The following NSD1 variants were observed in gnomAD, a reference collection of about 807,000 sequenced individuals.
NSD1 encodes the protein histone-lysine N-methyltransferase, H3 lysine-36 specific.
In NSD1, 26 loss-of-function variants were observed where a neutral mutation model predicts 242.7. The observed-to-expected ratio is 0.11, with a 90% confidence interval of 0.08 to 0.15. The LOEUF is 0.15. NSD1 is among the 10% of genes least tolerant of loss of function. The pLI is 1.00. For synonymous variants in NSD1, 1,106 were observed against 1,178.1 expected, an observed-to-expected ratio of 0.94 and a Z score of 1.25; for missense variants, 2,495 against 3,272.8, an observed-to-expected ratio of 0.76 and a Z score of 5.80.
intron 2 of NSD1, among the ~76,000 whole-genome samples, chr5:177,157,436 G>C (rs1024338133): frequency 2.6e-5 from 4 of 151,734 alleles, no homozygotes; most frequent in Admixed American, 1.3e-4. Context: ...AGTGGCTCAT[G>C]CCTGTAATCC....
intron 5 of NSD1, among the ~76,000 whole-genome samples, chr5:177,218,119 C>G (rs1763932039): frequency 6.6e-6 from 1 of 152,102 alleles, no homozygotes; most frequent in African/African-American, 2.4e-5. Flanking sequence ...TACTATGTTG[C>G]CTAGGTGGGT....
chr5:177,185,837 A>T lies in NSD1; in HGVS notation c.928-6047A>T, dbSNP rs1170756831. Among the ~76,000 whole-genome samples the T allele has an allele frequency of 4.5e-3, 407 of 90,860 alleles. 2 individuals carry two copies. Among genetic ancestry groups the T allele is most frequent in the Admixed American group, 7.1e-3 (39 of 5,518 alleles). 59.6% of individuals were successfully genotyped at this position (90,860 alleles called of 152,430 possible). On this transcript the variant is annotated intron_variant, in intron 2 of 22. Coordinates refer to ENST00000439151, the MANE Select transcript of NSD1 (RefSeq NM_022455.5). ...TATATATATAATATATAAGTTTTAT[A>T]TATTTAAATATATATTATATATTAT... is the stretch of plus-strand genomic sequence containing the variant.
At chr5:177,184,710 GGT>G (rs1051512134) in intron 2 of NSD1, among the ~76,000 whole-genome samples, 1 of 151,726 alleles carries the variant, frequency 6.6e-6, no homozygotes, top group South Asian at 2.1e-4. Context: ...GGTGTGTGTG[GGT>G]GTGTGTGTGC....
chr5:177,260,367 GACA>G (rs1239951433), intron 14 of NSD1, among the ~76,000 whole-genome samples, 199 bp downstream of exon 14: 1 of 72,832 alleles, frequency 1.4e-5, no homozygotes, highest in African/African-American at 5.1e-5. Flanking sequence ...TTTTTTTTGA[GACA>G]ACGTTTCACT....
chr5:177,238,545 T>A lies in NSD1; in HGVS notation c.4192+38T>A, dbSNP rs766499429. On this transcript the variant is annotated intron_variant, in intron 7 of 22. Transcript: ENST00000439151. This position sits in a 1 kb window ranked among gnomAD's most constrained non-coding sequence, Gnocchi z 4.6. ...TGGGGTCTCAGTATTTGAGCAGATA[T>A]GATTAGAGGAAGCAGGAGATTTTAG... 1 of 1,604,574 alleles carries A rather than the reference T, an allele frequency of 6.2e-7. No individual in the cohort carries two copies. The highest frequency in any genetic ancestry group is 8.5e-7 in the Non-Finnish European group (1 of 1,177,764).
chr5:177,200,714 A>G (rs752473561), intron 3 of NSD1, among the ~76,000 whole-genome samples: 7 of 152,118 alleles, frequency 4.6e-5, no homozygotes, highest in Non-Finnish European at 8.8e-5. Flanking sequence ...CATCAATGCT[A>G]TAGTATGTTT....
intron 14 of NSD1, chr5:177,264,818 CT>C: frequency 1.3e-6 from 1 of 753,346 alleles, no homozygotes; most frequent in Non-Finnish European, 2.4e-6. Context: ...TTCTGTAGGC[CT>C]TTTAGAAAAC....
In NSD1 at chr5:177,295,541, T is replaced by TAA. The variant is rs199928842; in HGVS notation, c.*90_*91dup. On this transcript the variant is annotated 3_prime_UTR_variant, in exon 23 of 23. Coordinates refer to ENST00000439151, the MANE Select transcript of NSD1 (RefSeq NM_022455.5). The surrounding 1 kb of genome is among the most constrained non-coding windows in gnomAD (Gnocchi z 4.3). ...GGAAATCTTTTCTTTCTTTCCCCCT[T>TAA]AAAAAAAAACACATCTGCCCCGAAC... 1.6e-5 allele frequency: 22 copies of TAA among 1,350,658 alleles called. No homozygotes were observed. The highest frequency in any genetic ancestry group is 2.1e-5 in the Non-Finnish European group (20 of 974,482). 83.7% of individuals were successfully genotyped at this position (1,350,658 alleles called of 1,614,324 possible).
chr5:177,232,763 T>C (rs1715428453), intron 5 of NSD1, among the ~76,000 whole-genome samples: 1 of 152,238 alleles, frequency 6.6e-6, no homozygotes, highest in Non-Finnish European at 1.5e-5. Flanking sequence ...TTTGTTGAAC[T>C]TCTCAGAAAG....
At chr5:177,275,686 G>C (rs1758326371) in intron 17 of NSD1, among the ~76,000 whole-genome samples, 1 of 152,012 alleles carries the variant, frequency 6.6e-6, no homozygotes, top group Admixed American at 6.6e-5. Flanking sequence ...GCCTGCCTTA[G>C]CCTCCCAAAG....
chr5:177,216,421 A>T (rs1004375017), intron 5 of NSD1, among the ~76,000 whole-genome samples: 2 of 151,796 alleles, frequency 1.3e-5, no homozygotes, highest in African/African-American at 4.8e-5. Context: ...TTCCAATATC[A>T]TGAAGTTTTT....
intron 14 of NSD1, chr5:177,265,445 TC>T: frequency 3.3e-6 from 2 of 605,322 alleles, no homozygotes; most frequent in Non-Finnish European, 2.9e-6. Context: ...GCCCTCCCCA[TC>T]CCCCCAGCCC....
chr5:177,180,681 T>A (rs1398340212), intron 2 of NSD1, among the ~76,000 whole-genome samples: 2 of 151,962 alleles, frequency 1.3e-5, no homozygotes, highest in African/African-American at 2.4e-5. Context: ...ATTTATTTAT[T>A]TTATTTATTT....
rs1420492510 is a variant in NSD1 at position 177,135,905 on chromosome 5, G to A, written c.802G>A (p.Glu268Lys). ...FSLGDTNITI[E>K]EQLNSINLSF... ...ACTAGGAGACACAAACATTACAATA[G>A]AAGAGCAATTAAACTCAATAAATTT... The change falls in exon 2 of 23, where the codon GAA becomes AAA. Residue 268 changes from glutamate (E) to lysine (K), a missense_variant. Physicochemically the swap from Glu to Lys is moderately conservative, Grantham distance 56 (BLOSUM62 1). Coordinates refer to ENST00000439151, the MANE Select transcript of NSD1 (RefSeq NM_022455.5). The A allele has an allele frequency of 6.8e-6, 11 of 1,612,074 alleles. No homozygotes were observed. In the South Asian group the frequency reaches 1.2e-4, roughly 18 times the overall value.
chr5:177,260,496 G>A (rs781029586), intron 14 of NSD1, among the ~76,000 whole-genome samples: 5 of 151,652 alleles, frequency 3.3e-5, no homozygotes, highest in South Asian at 2.1e-4. Flanking sequence ...ACAGGTGCCC[G>A]CCACCATGCC....
Position 177,210,710 on chromosome 5 carries a change from G to A in NSD1, c.2311G>A (p.Gly771Arg), listed in dbSNP as rs531315929. ...CAGTGAGAACTCGTTAATAAAGGGT[G>A]GGGCAGCAAATCAAGCTCTATTACA... is the stretch of plus-strand genomic sequence containing the variant. ...ISSENSLIKG[G>R]AANQALLHSK... Residue 771 changes from glycine to arginine, a missense_variant, in exon 5 of 23, where the codon GGG becomes AGG. By Grantham distance (125) the Gly-to-Arg change is moderately radical (BLOSUM62 -2). This residue lies in a region of NSD1 where 515 missense variants were observed against 467.0 expected (regional missense o/e 1.10). Transcript: ENST00000439151. 1 of 1,614,172 alleles carries A rather than the reference G, an allele frequency of 6.2e-7. No homozygotes were observed. Among genetic ancestry groups the A allele is most frequent in the East Asian group, 2.2e-5 (1 of 44,886 alleles).
chr5:177,168,649 T>C (rs1759438537), intron 2 of NSD1, among the ~76,000 whole-genome samples: 1 of 151,944 alleles, frequency 6.6e-6, no homozygotes. Flanking sequence ...TTAGTAGAGA[T>C]GGAGCTTCAC....
chr5:177,137,798 T>G (rs1009040743), intron 2 of NSD1, among the ~76,000 whole-genome samples: 1 of 151,152 alleles, frequency 6.6e-6, no homozygotes. Context: ...AAAAAAAAAA[T>G]GAAGGCTGAG....
chr5:177,261,757 G>T (rs1025905304), intron 14 of NSD1, among the ~76,000 whole-genome samples: 11 of 152,104 alleles, frequency 7.2e-5, no homozygotes, highest in Admixed American at 3.9e-4. Context: ...CTATTTTCTA[G>T]TGATGAGAGT....
Sources: gnomAD v4.1 joint callset for allele counts (sites outside exome capture counted in the v4.1 genomes callset) on GRCh38, gnomAD v4.1.1 for gene constraint, gnomAD v4.1.1 regional missense constraint, Gnocchi (gnomAD v3.1) non-coding constraint, MANE v1.5 for transcripts, NCBI Gene and HGNC (gene_info 2026-07-23, HGNC 2026-07-21) for gene names.